CLUL1: variants seen among roughly 807,000 people sequenced by gnomAD.
CLUL1 encodes the protein clusterin like 1, also known as clusterin-like protein 1.
Under a neutral mutation model 49.4 loss-of-function variants are expected in CLUL1, and 43 were observed. The observed-to-expected ratio is 0.87, with a 90% CI of 0.68 to 1.12. CLUL1 has a LOEUF of 1.12. CLUL1 is among the 50% of genes most tolerant of loss of function. The pLI, the probability that CLUL1 is intolerant of heterozygous loss-of-function variation, is 0.00. For synonymous variants in CLUL1, 192 were observed against 184.9 expected, an observed-to-expected ratio of 1.04 and a Z score of -0.31; for missense variants, 486 against 544.4, an observed-to-expected ratio of 0.89 and a Z score of 1.07.
At chr18:616,642 G>C (rs1303629033) in intron 2 of CLUL1, 1 of 611,636 alleles carries the variant, frequency 1.6e-6, no homozygotes, top group African/African-American at 2.0e-5. Flanking sequence ...ATTAAACACT[G>C]TGTCATCAAA....
intron 4 of CLUL1, among the ~76,000 whole-genome samples, chr18:622,963 G>A (rs548479526): frequency 6.6e-6 from 1 of 152,088 alleles, no homozygotes; most frequent in Admixed American, 6.5e-5. Flanking sequence ...TGAGGACAAT[G>A]AGCAGAATAT....
intron 7 of CLUL1, among the ~76,000 whole-genome samples, chr18:636,969 T>TTTTTG (rs1003661489): frequency 1.4e-5 from 2 of 146,308 alleles, no homozygotes; most frequent in South Asian, 2.2e-4. Flanking sequence ...TTCTTTGTTT[T>TTTTTG]TTTTGTTTTG....
At chr18:632,470 C>T (rs1246008527) in intron 6 of CLUL1, among the ~76,000 whole-genome samples, 1 of 152,008 alleles carries the variant, frequency 6.6e-6, no homozygotes, top group East Asian at 1.9e-4. Context: ...CCAATTATAG[C>T]TTTAAAAATT....
At chr18:629,188 T>C (rs751328514) in intron 6 of CLUL1, among the ~76,000 whole-genome samples, 1 of 152,184 alleles carries the variant, frequency 6.6e-6, no homozygotes, top group Non-Finnish European at 1.5e-5. Flanking sequence ...CAGAGTCCAG[T>C]GGACTTTTTT....
chr18:610,373 T>C (rs1489889646), intron 2 of CLUL1, among the ~76,000 whole-genome samples: 4 of 152,026 alleles, frequency 2.6e-5, no homozygotes, highest in Non-Finnish European at 5.9e-5. Context: ...GGCCACTGGA[T>C]TGAAGGAGAC....
At position 606,363 on chromosome 18, in the gene CLUL1, T is replaced by C. The variant is rs1418528445; in HGVS notation, c.-135-615T>C. The stretch of plus-strand genomic sequence containing the variant: ...GCACAGGGCAGGAAACGATTTTCCA[T>C]GTCACCAACCTTTCTCTGAGGGAAC... On this transcript the variant is annotated intron_variant, in intron 1 of 9. Coordinates refer to ENST00000692774, the MANE Select transcript of CLUL1 (RefSeq NM_001393344.1). This position sits in a 1 kb window ranked among gnomAD's most constrained non-coding sequence, Gnocchi z 4.1. Among the ~76,000 whole-genome samples, 1 of 152,226 alleles carries C rather than the reference T, an allele frequency of 6.6e-6. No individual in the cohort carries two copies. The highest frequency in any genetic ancestry group is 1.5e-5 in the Non-Finnish European group (1 of 68,044).
chr18:626,948 AAGG>A (rs2073789048), intron 5 of CLUL1, 146 bp from the exon 6 acceptor site: 1 of 5,876 alleles, frequency 1.7e-4, no homozygotes, highest in African/African-American at 5.5e-4. Context: ...GGAAAGAAGG[AAGG>A]AAGGAAGGAA....
chr18:605,634 A>T (rs1038722561), intron 1 of CLUL1, among the ~76,000 whole-genome samples: 2 of 152,086 alleles, frequency 1.3e-5, no homozygotes, highest in African/African-American at 4.8e-5. Flanking sequence ...GGTATTTTGT[A>T]TCATCTACTT....
chr18:598,021 G>A (rs1212083651), intron 1 of CLUL1: 2 of 152,026 alleles, frequency 1.3e-5, no homozygotes, highest in East Asian at 3.9e-4. Flanking sequence ...TCTCTCCCTG[G>A]GACTTTTCTC....
At chr18:645,652 G>C (rs1360323831) in intron 9 of CLUL1, among the ~76,000 whole-genome samples, 1 of 150,228 alleles carries the variant, frequency 6.7e-6, no homozygotes, top group Admixed American at 6.6e-5. Context: ...AAATTAGCCG[G>C]GCGTGGTGGC....
intron 4 of CLUL1, 69 bp downstream of exon 4, chr18:619,430 G>A (rs963149386): frequency 1.2e-5 from 16 of 1,295,318 alleles, no homozygotes; most frequent in African/African-American, 4.6e-5. Flanking sequence ...TTGTTAGTGC[G>A]ATTGATGAAT....
intron 2 of CLUL1, among the ~76,000 whole-genome samples, chr18:608,913 A>G (rs1225808443): frequency 2.0e-5 from 3 of 152,160 alleles, no homozygotes; most frequent in African/African-American, 7.2e-5. Flanking sequence ...AATAATCTAA[A>G]TCTATTTTCT....
chr18:611,027 G>C (rs1474155095), intron 2 of CLUL1, among the ~76,000 whole-genome samples: 5 of 152,090 alleles, frequency 3.3e-5, no homozygotes. Flanking sequence ...GCTCCTCCCA[G>C]ATCACCTTCT....
At chr18:641,890 A>C (rs548366550) in intron 8 of CLUL1, among the ~76,000 whole-genome samples, 1 of 152,210 alleles carries the variant, frequency 6.6e-6, no homozygotes, top group South Asian at 2.1e-4. Flanking sequence ...TGAGTTCAAA[A>C]TTTGACTCTG....
intron 2 of CLUL1, among the ~76,000 whole-genome samples, chr18:610,635 G>T (rs1202376183): frequency 6.6e-6 from 1 of 152,150 alleles, no homozygotes; most frequent in Admixed American, 6.6e-5. Flanking sequence ...AACATCTGAC[G>T]GAGGACAGAG....
chr18:597,720 T>C, intron 1 of CLUL1: 1 of 152,012 alleles, frequency 6.6e-6, no homozygotes, highest in Non-Finnish European at 1.5e-5. Context: ...AATAAATAAA[T>C]AAATAAACCC....
chr18:648,581 G>T (rs1349860352), intron 9 of CLUL1, among the ~76,000 whole-genome samples: 1 of 148,254 alleles, frequency 6.7e-6, no homozygotes, highest in Non-Finnish European at 1.5e-5. Context: ...TATTGTTCTG[G>T]ATATATATAT....
At chr18:614,328 A>G (rs9652919) in intron 2 of CLUL1, among the ~76,000 whole-genome samples, 1 of 69,122 alleles carries the variant, frequency 1.4e-5, no homozygotes, top group South Asian at 1.3e-3. Context: ...GGAGGGAAGG[A>G]AGGGAGGGAA....
chr18:599,830 C>T lies in CLUL1; in HGVS notation c.-136+2701C>T, dbSNP rs542369770. Among the ~76,000 whole-genome samples the T allele has an allele frequency of 2.0e-5, 3 of 151,970 alleles. No individual in the cohort carries two copies. In the South Asian group the frequency reaches 6.3e-4, roughly 32 times the overall value. ...GCCTGTAGTCCCAGCTACTCATAGT[C>T]CCAGCTACTCAGGAGGCTGAGGCAG... On this transcript the variant is annotated intron_variant, in intron 1 of 9. Coordinates refer to ENST00000692774, the MANE Select transcript of CLUL1 (RefSeq NM_001393344.1).
Sources: gnomAD v4.1 joint callset for allele counts (sites outside exome capture counted in the v4.1 genomes callset) on GRCh38, gnomAD v4.1.1 for gene constraint, Gnocchi (gnomAD v3.1) non-coding constraint, MANE v1.5 for transcripts, NCBI Gene and HGNC (gene_info 2026-07-23, HGNC 2026-07-21) for gene names.